The following FHIT variants were observed in gnomAD, a reference collection of about 807,000 sequenced individuals.
FHIT encodes the protein bis(5'-adenosyl)-triphosphatase.
A neutral mutation model predicts 17.9 loss-of-function variants in FHIT; 19 were observed. That is an observed-to-expected ratio of 1.06 (90% CI 0.74 to 1.56). The LOEUF (loss-of-function observed/expected upper bound fraction) is 1.56. Ranked by LOEUF, FHIT falls within the 40% of genes most tolerant of loss-of-function variation. The pLI is 0.00. For missense variants in FHIT, 248 were observed against 189.2 expected (o/e 1.31, Z -1.82); for synonymous variants, 81 against 69.7 (o/e 1.16, Z -0.81).
chr3:59,909,195 G>A (rs1282967646), intron 8 of FHIT, among the ~76,000 whole-genome samples: 3 of 151,932 alleles, frequency 2.0e-5, no homozygotes, highest in Non-Finnish European at 4.4e-5. Context: ...CATCGACCCA[G>A]CTAATTTTTT....
intron 5 of FHIT, among the ~76,000 whole-genome samples, chr3:60,535,053 G>T (rs2611411): frequency 3.3e-5 from 5 of 152,004 alleles, no homozygotes; most frequent in African/African-American, 1.2e-4. Flanking sequence ...GCAAAACCCC[G>T]TCTCTACTAA....
At chr3:60,900,446 G>GAA (rs71092653) in intron 3 of FHIT, among the ~76,000 whole-genome samples, 26 of 147,416 alleles carry the variant, frequency 1.8e-4, no homozygotes, top group African/African-American at 3.0e-4. Flanking sequence ...CAAAAGAAAA[G>GAA]AAAAAAAAAA....
intron 2 of FHIT, among the ~76,000 whole-genome samples, chr3:61,091,133 A>G (rs374770513): frequency 2.4e-4 from 37 of 152,354 alleles, no homozygotes; most frequent in African/African-American, 5.8e-4. Context: ...AAAAATATGC[A>G]CTTAACATTT....
At chr3:59,882,460 T>G (rs1211442641) in intron 8 of FHIT, among the ~76,000 whole-genome samples, 1 of 102,674 alleles carries the variant, frequency 9.7e-6, no homozygotes, top group Non-Finnish European at 1.9e-5. Flanking sequence ...AGACTGTAAT[T>G]GAGTTTTAGA....
chr3:60,694,469 C>A (rs1356640127), intron 4 of FHIT, among the ~76,000 whole-genome samples: 1 of 152,148 alleles, frequency 6.6e-6, no homozygotes, highest in Non-Finnish European at 1.5e-5. Flanking sequence ...GTTGGTGGGA[C>A]TGTAAACTAC....
At chr3:60,592,797 G>C (rs2038130213) in intron 4 of FHIT, among the ~76,000 whole-genome samples, 1 of 152,138 alleles carries the variant, frequency 6.6e-6, no homozygotes, top group African/African-American at 2.4e-5. Flanking sequence ...AGAAAGGTAA[G>C]CGTCAGAGGT....
At chr3:61,212,884 C>A (rs185071189) in intron 1 of FHIT, among the ~76,000 whole-genome samples, 6,009 of 152,246 alleles carry the variant, frequency 0.039, 140 homozygotes, top group Admixed American at 0.069. Context: ...TTCAACCCAG[C>A]ATTTCATATC....
At chr3:60,635,021 C>T (rs2039544704) in intron 4 of FHIT, among the ~76,000 whole-genome samples, 1 of 152,116 alleles carries the variant, frequency 6.6e-6, no homozygotes, top group Non-Finnish European at 1.5e-5. Context: ...ACTGCATGCC[C>T]CACTGCGCCC....
rs376730894 is a variant in FHIT, at chr3:60,161,605, C to T, written c.104-147453G>A. ...AAAGGAGTGTGCTTAGGGGATAGGA[C>T]GCTTGCCAGGAACAGAAGGTATGCT... On this transcript the variant is annotated intron_variant, in intron 5 of 9. Coordinates refer to ENST00000492590, the MANE Select transcript of FHIT (RefSeq NM_002012.4). 4.6e-5 allele frequency among the ~76,000 whole-genome samples: 7 copies of T among 152,060 alleles called. No homozygotes were observed. The East Asian group carries it at 9.7e-4, about 21-fold the overall frequency.
intron 2 of FHIT, among the ~76,000 whole-genome samples, chr3:61,115,560 C>G (rs1429888408): frequency 6.6e-6 from 1 of 152,080 alleles, no homozygotes. Context: ...TAGAAATAAG[C>G]TGCTGATAAA....
intron 7 of FHIT, among the ~76,000 whole-genome samples, chr3:59,965,216 T>C (rs1371749489): frequency 6.6e-6 from 1 of 152,120 alleles, no homozygotes; most frequent in Non-Finnish European, 1.5e-5. Context: ...GGCTTTAAAT[T>C]GTCTAGCAGA....
chr3:60,371,347 T>C (rs991912339), intron 5 of FHIT, among the ~76,000 whole-genome samples: 1 of 151,068 alleles, frequency 6.6e-6, no homozygotes, highest in African/African-American at 2.4e-5. Context: ...ATTTTAATTA[T>C]TAAATATTTT....
intron 7 of FHIT, among the ~76,000 whole-genome samples, chr3:59,982,403 C>T (rs752491486): frequency 4.6e-5 from 7 of 152,140 alleles, no homozygotes; most frequent in East Asian, 1.9e-4. Flanking sequence ...GTTTTATAAG[C>T]AGTATCCAGA....
At chr3:60,359,107 A>T (rs187246651) in intron 5 of FHIT, among the ~76,000 whole-genome samples, 1 of 152,064 alleles carries the variant, frequency 6.6e-6, no homozygotes, top group Non-Finnish European at 1.5e-5. Flanking sequence ...AATCACATGC[A>T]TTATACCACA....
chr3:60,458,864 T>A (rs2032280975), intron 5 of FHIT, among the ~76,000 whole-genome samples: 1 of 151,914 alleles, frequency 6.6e-6, no homozygotes, highest in Non-Finnish European at 1.5e-5. Context: ...AGCCTTGAAC[T>A]CCTAGGCTCA....
chr3:60,200,083 A>G (rs1198764504), intron 5 of FHIT, among the ~76,000 whole-genome samples: 2 of 152,150 alleles, frequency 1.3e-5, no homozygotes, highest in Non-Finnish European at 2.9e-5. Flanking sequence ...AGAACACACC[A>G]CGGGATAACC....
At chr3:61,169,027 T>C (rs916227034) in intron 2 of FHIT, among the ~76,000 whole-genome samples, 1 of 152,184 alleles carries the variant, frequency 6.6e-6, no homozygotes, top group African/African-American at 2.4e-5. Flanking sequence ...CAAAGTTAAA[T>C]TCTAAGTCAA....
chr3:60,809,585 C>G (rs868952748), intron 4 of FHIT, among the ~76,000 whole-genome samples: 10 of 152,206 alleles, frequency 6.6e-5, no homozygotes, highest in Non-Finnish European at 1.2e-4. Context: ...CATCTTGCTT[C>G]TTTAGCAAAT....
intron 3 of FHIT, among the ~76,000 whole-genome samples, chr3:60,864,129 T>G (rs1449614501): frequency 6.6e-6 from 1 of 152,018 alleles, no homozygotes; most frequent in Non-Finnish European, 1.5e-5. Flanking sequence ...TCATGAGACT[T>G]AATCACGAGA....
Sources: allele counts gnomAD v4.1 joint callset (sites outside exome capture counted in the v4.1 genomes callset), GRCh38; gene constraint gnomAD v4.1.1; transcripts MANE v1.5; gene names NCBI Gene and HGNC (gene_info 2026-07-23, HGNC 2026-07-21).